ZFPM2: variants seen among roughly 807,000 people sequenced by gnomAD.
The protein encoded by ZFPM2 is zinc finger protein, FOG family member 2, also known as zinc finger protein ZFPM2.
ZFPM2 carries 20 observed loss-of-function variants against 98.6 expected under a neutral mutation model. The ratio of observed to expected loss-of-function variants is 0.20; its 90% confidence interval spans 0.14 to 0.29. The LOEUF is 0.29. ZFPM2 is among the 10% of genes least tolerant of loss of function. The probability of loss-of-function intolerance (pLI) is 1.00; values close to 1 mark genes in which losing one functional copy is unlikely to be tolerated. For synonymous variants in ZFPM2, 518 were observed against 502.7 expected (o/e 1.03, Z -0.41); for missense variants, 1,310 against 1,388.6 (o/e 0.94, Z 0.90).
chr8:105,444,780 T>A (rs2130219646), intron 3 of ZFPM2, among the ~76,000 whole-genome samples: 1 of 152,300 alleles, frequency 6.6e-6, no homozygotes, highest in East Asian at 1.9e-4. Flanking sequence ...TGAACCTCAA[T>A]ACATATTTAG....
At chr8:105,536,077 T>G (rs961865317) in intron 3 of ZFPM2, among the ~76,000 whole-genome samples, 8 of 152,166 alleles carry the variant, frequency 5.3e-5, no homozygotes, top group Admixed American at 2.6e-4. Flanking sequence ...AAAGATGCAG[T>G]TTGAAATCAC....
intron 5 of ZFPM2, among the ~76,000 whole-genome samples, chr8:105,641,640 T>G (rs1816950549): frequency 6.6e-6 from 1 of 152,110 alleles, no homozygotes; most frequent in African/African-American, 2.4e-5. Context: ...TTACTATGCA[T>G]TTACTGTTTT....
intron 2 of ZFPM2, among the ~76,000 whole-genome samples, chr8:105,435,733 A>G (rs1255315351): frequency 6.6e-6 from 1 of 152,204 alleles, no homozygotes; most frequent in Non-Finnish European, 1.5e-5. Context: ...TTAATATGAA[A>G]ATAAAATTGT....
At chr8:105,555,401 G>A (rs767167327) in intron 3 of ZFPM2, among the ~76,000 whole-genome samples, 1 of 151,956 alleles carries the variant, frequency 6.6e-6, no homozygotes, top group Non-Finnish European at 1.5e-5. Flanking sequence ...TTGAACAAGT[G>A]AAATGGATGC....
intron 3 of ZFPM2, among the ~76,000 whole-genome samples, chr8:105,535,510 T>C (rs568450211): frequency 6.6e-6 from 1 of 152,310 alleles, no homozygotes; most frequent in African/African-American, 2.4e-5. Context: ...TTGAGTATTT[T>C]GTTTGCTTTG....
chr8:105,577,435 TCTTAA>T (rs1449320802), intron 4 of ZFPM2, among the ~76,000 whole-genome samples: 1 of 148,076 alleles, frequency 6.8e-6, no homozygotes, highest in African/African-American at 2.5e-5. Flanking sequence ...TTCTTTATAC[TCTTAA>T]CTTACACAAA....
intron 4 of ZFPM2, among the ~76,000 whole-genome samples, chr8:105,588,716 T>C (rs940886901): frequency 3.3e-5 from 5 of 152,216 alleles, no homozygotes; most frequent in African/African-American, 9.6e-5. Context: ...GGCCTTCCAT[T>C]AGGTATTTGT....
intron 4 of ZFPM2, among the ~76,000 whole-genome samples, chr8:105,575,318 C>G (rs1336208723): frequency 6.6e-6 from 1 of 152,220 alleles, no homozygotes; most frequent in Non-Finnish European, 1.5e-5. Context: ...AACAATGAGC[C>G]GTTGTATCAC....
intron 2 of ZFPM2, among the ~76,000 whole-genome samples, chr8:105,421,762 G>C (rs1172476153): frequency 6.6e-6 from 1 of 152,178 alleles, no homozygotes; most frequent in African/African-American, 2.4e-5. Context: ...GCAATTAAAA[G>C]AGTAGAAGTT....
chr8:105,448,109 A>C (rs1812412368), intron 3 of ZFPM2, among the ~76,000 whole-genome samples: 1 of 152,078 alleles, frequency 6.6e-6, no homozygotes, highest in Admixed American at 6.6e-5. Flanking sequence ...AAAGCTAGAC[A>C]CACTAAGCTG....
At chr8:105,544,523 C>G (rs1476944628) in intron 3 of ZFPM2, among the ~76,000 whole-genome samples, 2 of 152,170 alleles carry the variant, frequency 1.3e-5, no homozygotes, top group Non-Finnish European at 2.9e-5. Context: ...AACTTCAGCT[C>G]TGGCCCTGCC....
intron 4 of ZFPM2, among the ~76,000 whole-genome samples, chr8:105,598,834 A>G (rs945847954): frequency 3.3e-5 from 5 of 152,006 alleles, no homozygotes; most frequent in Admixed American, 1.3e-4. Flanking sequence ...CAATTACTAC[A>G]TACAAAAAAA....
intron 1 of ZFPM2, among the ~76,000 whole-genome samples, chr8:105,346,010 A>G (rs1358531110): frequency 6.6e-6 from 1 of 152,232 alleles, no homozygotes; most frequent in Non-Finnish European, 1.5e-5. Context: ...CAAGTATTTG[A>G]ATGATTTTTC....
At chr8:105,393,083 G>A (rs1811139590) in intron 1 of ZFPM2, among the ~76,000 whole-genome samples, 1 of 152,146 alleles carries the variant, frequency 6.6e-6, no homozygotes, top group Non-Finnish European at 1.5e-5. Flanking sequence ...GAGATAAACT[G>A]TGGTGCTTTC....
chr8:105,591,707 A>G (rs1357495198), intron 4 of ZFPM2, among the ~76,000 whole-genome samples: 2 of 152,134 alleles, frequency 1.3e-5, no homozygotes, highest in African/African-American at 4.8e-5. Context: ...AAAGCTGTAT[A>G]TAAAATACCC....
At chr8:105,499,671 T>C (rs1813549002) in intron 3 of ZFPM2, among the ~76,000 whole-genome samples, 2 of 98,154 alleles carry the variant, frequency 2.0e-5, no homozygotes, top group Admixed American at 2.2e-4. Flanking sequence ...AAATTGAATC[T>C]GAAACACTCA....
At chr8:105,777,165 C>T (rs539914977) in intron 5 of ZFPM2, among the ~76,000 whole-genome samples, 2 of 152,134 alleles carry the variant, frequency 1.3e-5, no homozygotes, top group Non-Finnish European at 2.9e-5. Flanking sequence ...CAGCATTCAG[C>T]ACAAGTATTT....
chr8:105,620,282 GTGA>G (rs1271660606), intron 4 of ZFPM2, among the ~76,000 whole-genome samples: 7 of 152,284 alleles, frequency 4.6e-5, no homozygotes, highest in African/African-American at 1.7e-4. Flanking sequence ...CTGATGGCCA[GTGA>G]TGATGAGCAT....
intron 1 of ZFPM2, among the ~76,000 whole-genome samples, chr8:105,359,639 G>T (rs952022763): frequency 4.6e-5 from 7 of 152,080 alleles, no homozygotes; most frequent in African/African-American, 1.7e-4. Flanking sequence ...CTCCCAGAGT[G>T]CTGGGATTAC....
Sources: allele counts gnomAD v4.1 joint callset (sites outside exome capture counted in the v4.1 genomes callset), GRCh38; gene constraint gnomAD v4.1.1; transcripts MANE v1.5; gene names NCBI Gene and HGNC (gene_info 2026-07-23, HGNC 2026-07-21).